AFG1L: variants seen among roughly 807,000 people sequenced by gnomAD.
AFG1L encodes the protein AFG1-like ATPase.
A neutral mutation model predicts 62.2 loss-of-function variants in AFG1L; 53 were observed. The observed-to-expected ratio is 0.85, with a 90% CI of 0.68 to 1.07. The LOEUF is 1.07. Among genes scored for constraint, AFG1L ranks in the 50% least tolerant of loss-of-function variants. The pLI, the probability that AFG1L is intolerant of heterozygous loss-of-function variation, is 0.00. For missense variants in AFG1L, 555 were observed against 590.5 expected (o/e 0.94, Z 0.62); for synonymous variants, 228 against 210.3 (o/e 1.08, Z -0.73).
chr6:108,303,488 T>C (rs1777087547), intron 1 of AFG1L, among the ~76,000 whole-genome samples: 1 of 152,222 alleles, frequency 6.6e-6, no homozygotes, highest in Non-Finnish European at 1.5e-5. Context: ...GCCCAAGTTC[T>C]CTGTTGAGGA....
intron 8 of AFG1L, among the ~76,000 whole-genome samples, chr6:108,457,101 G>A (rs1041209986): frequency 2.6e-5 from 4 of 152,064 alleles, no homozygotes; most frequent in Admixed American, 2.0e-4. Context: ...TTACTTCTCA[G>A]TCTTTTGTTT....
At chr6:108,381,747 ACT>A (rs1242786712) in intron 6 of AFG1L, among the ~76,000 whole-genome samples, 1 of 152,228 alleles carries the variant, frequency 6.6e-6, no homozygotes, top group East Asian at 1.9e-4. Context: ...GTGGATGAAG[ACT>A]CTGACAACAA....
intron 5 of AFG1L, among the ~76,000 whole-genome samples, chr6:108,362,946 A>G (rs1221569014): frequency 6.6e-6 from 1 of 152,212 alleles, no homozygotes; most frequent in African/African-American, 2.4e-5. Flanking sequence ...TAGTGACAGT[A>G]TATCTACAAT....
intron 2 of AFG1L, among the ~76,000 whole-genome samples, chr6:108,342,199 T>C (rs1167147084): frequency 6.6e-6 from 1 of 152,114 alleles, no homozygotes; most frequent in African/African-American, 2.4e-5. Context: ...CTCTGTCCTG[T>C]TTCCTGCAAG....
chr6:108,400,308 A>G (rs562971422), intron 6 of AFG1L, among the ~76,000 whole-genome samples: 1 of 151,916 alleles, frequency 6.6e-6, no homozygotes, highest in African/African-American at 2.4e-5. Context: ...CCCATTTCGT[A>G]TGATACTAGC....
At chr6:108,460,967 A>T (rs1582620177) in intron 8 of AFG1L, among the ~76,000 whole-genome samples, 1 of 152,298 alleles carries the variant, frequency 6.6e-6, no homozygotes, top group East Asian at 1.9e-4. Context: ...AACAATGACA[A>T]CAACAACAAC....
intron 8 of AFG1L, among the ~76,000 whole-genome samples, chr6:108,448,798 A>G (rs1227007770): frequency 6.6e-6 from 1 of 152,204 alleles, no homozygotes; most frequent in Non-Finnish European, 1.5e-5. Context: ...TCCAGAGTCC[A>G]GGAAACCAGA....
chr6:108,507,253 T>C, intron 10 of AFG1L, among the ~76,000 whole-genome samples: 1 of 152,240 alleles, frequency 6.6e-6, no homozygotes, highest in East Asian at 1.9e-4. Context: ...TGACATTAAG[T>C]ACATTCATAT....
rs775187314 is a variant in AFG1L, at chr6:108,477,216, T to C, written c.986T>C (p.Val329Ala). 3.1e-6 allele frequency: 5 copies of C among 1,606,248 alleles called. No individual in the cohort carries two copies. The highest frequency in any genetic ancestry group is 2.2e-5 in the South Asian group (2 of 90,298). The change falls in exon 10 of 13, where the codon GTG (valine) becomes GCG (alanine). Residue 329 changes from valine to alanine, a missense_variant. Val to Ala is a moderately conservative substitution (Grantham distance 64). Transcript: ENST00000368977. ...GTAACTAGACCAAGGATTCTAAAAG[T>C]GCAAGGCAGAGAGCTGCGCCTGAAT... ...NDLTRPRILK[V>A]QGRELRLNKA...
At chr6:108,457,078 T>C (rs1005217860) in intron 8 of AFG1L, among the ~76,000 whole-genome samples, 2 of 152,166 alleles carry the variant, frequency 1.3e-5, no homozygotes, top group African/African-American at 4.8e-5. Context: ...TGCCACTGTA[T>C]ATACGATGCA....
chr6:108,309,285 G>T (rs1777317495), intron 1 of AFG1L, among the ~76,000 whole-genome samples: 1 of 152,156 alleles, frequency 6.6e-6, no homozygotes, highest in African/African-American at 2.4e-5. Context: ...GGCTACTGCA[G>T]TGCTGCTTTT....
chr6:108,470,452 G>A (rs1052795345), intron 8 of AFG1L, among the ~76,000 whole-genome samples: 36 of 152,210 alleles, frequency 2.4e-4, no homozygotes, highest in Non-Finnish European at 5.3e-4. Context: ...CCTAGTGGCT[G>A]TTGGCACTAG....
intron 1 of AFG1L, among the ~76,000 whole-genome samples, chr6:108,310,650 C>G (rs1486935218): frequency 6.6e-6 from 1 of 150,462 alleles, no homozygotes; most frequent in African/African-American, 2.5e-5. Context: ...TCTCAGCTCA[C>G]TGCAACCTCC....
chr6:108,379,502 C>G (rs1780405112), intron 6 of AFG1L, among the ~76,000 whole-genome samples: 1 of 152,188 alleles, frequency 6.6e-6, no homozygotes, highest in Non-Finnish European at 1.5e-5. Context: ...GTGGTCTGCA[C>G]TCCTTGTTCA....
At chr6:108,522,218 G>C (rs1775151438) in intron 12 of AFG1L, 79 bp from the exon 13 acceptor site, 3 of 1,427,438 alleles carry the variant, frequency 2.1e-6, no homozygotes, top group Non-Finnish European at 2.9e-6. Flanking sequence ...AGCCTAAAAA[G>C]TTTTTTTAAA....
At chr6:108,487,163 C>T (rs1773603712) in intron 10 of AFG1L, among the ~76,000 whole-genome samples, 1 of 152,160 alleles carries the variant, frequency 6.6e-6, no homozygotes, top group Non-Finnish European at 1.5e-5. Context: ...GAAAGAGGCC[C>T]AACTGAGTCA....
intron 7 of AFG1L, among the ~76,000 whole-genome samples, chr6:108,410,520 G>A (rs1426327706): frequency 1.3e-5 from 2 of 152,184 alleles, no homozygotes; most frequent in Admixed American, 6.5e-5. Context: ...CAGCTAGGCT[G>A]TCATGTACCT....
At chr6:108,336,963 T>A (rs751984183) in intron 2 of AFG1L, among the ~76,000 whole-genome samples, 9 of 152,210 alleles carry the variant, frequency 5.9e-5, no homozygotes, top group Non-Finnish European at 1.2e-4. Context: ...CATTTAGTAA[T>A]GTTATCTAAA....
chr6:108,316,834 C>T (rs1201168433), intron 1 of AFG1L, among the ~76,000 whole-genome samples: 1 of 152,124 alleles, frequency 6.6e-6, no homozygotes, highest in East Asian at 1.9e-4. Context: ...GCTCGGCCCG[C>T]TCTGATGTTT....
Sources: allele counts gnomAD v4.1 joint callset (sites outside exome capture counted in the v4.1 genomes callset), GRCh38; gene constraint gnomAD v4.1.1; transcripts MANE v1.5; gene names NCBI Gene and HGNC (gene_info 2026-07-23, HGNC 2026-07-21).